Variants in GRK3 observed in about 807,000 individuals in gnomAD.
GRK3 encodes the protein adrenergic, beta, receptor kinase 2.
GRK3 carries 54 observed loss-of-function variants against 95.7 expected under a neutral mutation model. The observed-to-expected ratio is 0.56, with a 90% CI of 0.45 to 0.71. The LOEUF (loss-of-function observed/expected upper bound fraction) is 0.71. Ranked by LOEUF, GRK3 falls within the 30% of genes least tolerant of loss-of-function variation. The pLI is 0.00. For synonymous variants in GRK3, 281 were observed against 290.8 expected, an observed-to-expected ratio of 0.97 and a Z score of 0.34; for missense variants, 649 against 851.2, an observed-to-expected ratio of 0.76 and a Z score of 2.96.
intron 13 of GRK3, among the ~76,000 whole-genome samples, 173 bp downstream of exon 13, chr22:25,695,387 A>G (rs2085199286): frequency 6.6e-6 from 1 of 152,240 alleles, no homozygotes; most frequent in Non-Finnish European, 1.5e-5. Flanking sequence ...GCTGCTTCCC[A>G]ATAAGCTGCT....
intron 1 of GRK3, among the ~76,000 whole-genome samples, chr22:25,593,707 C>T (rs773541862): frequency 1.3e-5 from 2 of 152,024 alleles, no homozygotes; most frequent in African/African-American, 4.8e-5. Flanking sequence ...TAATTGGGCC[C>T]TACTTGTCAA....
chr22:25,644,961 T>C (rs955353042), intron 3 of GRK3, among the ~76,000 whole-genome samples: 7 of 152,170 alleles, frequency 4.6e-5, no homozygotes, highest in Non-Finnish European at 8.8e-5. Flanking sequence ...ACCAGTTATT[T>C]TATTTTCTGT....
At chr22:25,654,281 A>G (rs2084854877) in intron 3 of GRK3, among the ~76,000 whole-genome samples, 1 of 152,338 alleles carries the variant, frequency 6.6e-6, no homozygotes, top group African/African-American at 2.4e-5. Context: ...ATATATCTTT[A>G]TCCTAAAACA....
chr22:25,662,304 G>A (rs989142021), intron 4 of GRK3, among the ~76,000 whole-genome samples: 1 of 152,188 alleles, frequency 6.6e-6, no homozygotes, highest in South Asian at 2.1e-4. Flanking sequence ...CTGTATCAAC[G>A]CAGCAGCCAC....
intron 2 of GRK3, among the ~76,000 whole-genome samples, chr22:25,621,910 C>G (rs981874587): frequency 1.3e-5 from 2 of 152,172 alleles, no homozygotes; most frequent in African/African-American, 4.8e-5. Context: ...GGCCAGTTCT[C>G]CCCAAGGGGC....
chr22:25,631,457 G>A (rs6004724), intron 2 of GRK3, among the ~76,000 whole-genome samples: 16,067 of 152,120 alleles, frequency 0.11, 2,724 homozygotes, highest in African/African-American at 0.36. Context: ...TCCAATTTGT[G>A]GCCTATTTAC....
At chr22:25,582,187 G>A (rs933677952) in intron 1 of GRK3, among the ~76,000 whole-genome samples, 1 of 151,898 alleles carries the variant, frequency 6.6e-6, no homozygotes, top group African/African-American at 2.4e-5. Flanking sequence ...TGAGGCAGGA[G>A]AATCACTTAA....
intron 3 of GRK3, chr22:25,648,488 A>G: frequency 7.1e-7 from 1 of 1,417,256 alleles, no homozygotes. Context: ...GGATGGGAAT[A>G]TGGAATGGAA....
chr22:25,678,505 A>G (rs1037398922), intron 8 of GRK3, among the ~76,000 whole-genome samples: 38 of 152,362 alleles, frequency 2.5e-4, no homozygotes, highest in African/African-American at 8.9e-4. Context: ...TGAATTCACA[A>G]TTCCTAGCTG....
At chr22:25,716,510 A>G (rs1204015591) in intron 18 of GRK3, among the ~76,000 whole-genome samples, 1 of 152,154 alleles carries the variant, frequency 6.6e-6, no homozygotes, top group African/African-American at 2.4e-5. Flanking sequence ...TTAGCAAATC[A>G]ATGAATTTAT....
At chr22:25,670,833 CG>C in intron 6 of GRK3, among the ~76,000 whole-genome samples, 1 of 140,912 alleles carries the variant, frequency 7.1e-6, no homozygotes, top group Middle Eastern at 4.1e-3. Context: ...GCGGGCGGAT[CG>C]AGACCATCCT....
chr22:25,685,076 G>C (rs547803469), intron 9 of GRK3, 94 bp from the exon 10 acceptor site: 13 of 814,958 alleles, frequency 1.6e-5, no homozygotes, highest in Non-Finnish European at 2.7e-5. Flanking sequence ...AAAAAATAAA[G>C]TAATTTTAAA....
intron 1 of GRK3, among the ~76,000 whole-genome samples, chr22:25,591,967 A>G (rs2146328425): frequency 6.6e-6 from 1 of 152,346 alleles, no homozygotes; most frequent in South Asian, 2.1e-4. Flanking sequence ...TTGTATGGAT[A>G]TATGCTTTCA....
chr22:25,651,886 T>C (rs1406904805), intron 3 of GRK3, among the ~76,000 whole-genome samples: 2 of 152,190 alleles, frequency 1.3e-5, no homozygotes, highest in Admixed American at 1.3e-4. Context: ...TGTCTTAATG[T>C]GGAAGTTAAC....
At chr22:25,595,141 T>C (rs1413294530) in intron 1 of GRK3, among the ~76,000 whole-genome samples, 1 of 152,142 alleles carries the variant, frequency 6.6e-6, no homozygotes, top group Non-Finnish European at 1.5e-5. Flanking sequence ...GCCACTCTTA[T>C]TCAACATAGT....
intron 6 of GRK3, among the ~76,000 whole-genome samples, chr22:25,668,346 T>C (rs1428598296): frequency 1.1e-4 from 16 of 152,214 alleles, no homozygotes; most frequent in African/African-American, 2.4e-4. Context: ...ACCACTGAAA[T>C]TGGACCCTCT....
At chr22:25,590,878 A>T (rs913249321) in intron 1 of GRK3, among the ~76,000 whole-genome samples, 4 of 152,256 alleles carry the variant, frequency 2.6e-5, no homozygotes, top group Admixed American at 1.3e-4. Context: ...ACAACATATT[A>T]CAAGTGCACA....
At chr22:25,704,866 A>C (rs2085287378) in intron 15 of GRK3, among the ~76,000 whole-genome samples, 1 of 152,170 alleles carries the variant, frequency 6.6e-6, no homozygotes, top group South Asian at 2.1e-4. Context: ...ATAACTGAGT[A>C]ACTGCGATCT....
rs576978140 is a variant in GRK3 at position 25,725,713 on chromosome 22, G to C, written c.*3263G>C. ...TATAATCCCAGCACTTTGGGAGGCC[G>C]AGAGGGGCGGTTCACGAGGTCAGGA... On this transcript the variant is annotated 3_prime_UTR_variant, in exon 21 of 21. Coordinates refer to ENST00000324198, the MANE Select transcript of GRK3 (RefSeq NM_005160.4). The C allele has an allele frequency of 2.5e-6, 1 of 398,036 alleles. No homozygotes were observed. Among genetic ancestry groups the C allele is most frequent in the South Asian group, 1.3e-4 (1 of 7,638 alleles). The allele number at this position is 398,036 out of a possible 1,614,324, so 24.7% of individuals were successfully genotyped here. A position where few individuals can be genotyped will look rare whatever the true frequency, so the allele number is the denominator to read the frequency against.
Sources: allele counts gnomAD v4.1 joint callset (sites outside exome capture counted in the v4.1 genomes callset), GRCh38; gene constraint gnomAD v4.1.1; transcripts MANE v1.5; gene names NCBI Gene and HGNC (gene_info 2026-07-23, HGNC 2026-07-21).